DDX31: variants seen among roughly 807,000 people sequenced by gnomAD.
DDX31 encodes the protein ATP-dependent DNA helicase DDX31.
DDX31 carries 70 observed loss-of-function variants against 91.3 expected under a neutral mutation model. The ratio of observed to expected loss-of-function variants is 0.77; its 90% confidence interval spans 0.63 to 0.94. The LOEUF (loss-of-function observed/expected upper bound fraction) is 0.94. Among genes scored for constraint, DDX31 ranks in the 40% least tolerant of loss-of-function variants. The pLI is 0.00. For missense variants in DDX31, 902 were observed against 925.0 expected, an observed-to-expected ratio of 0.98 and a Z score of 0.32; for synonymous variants, 362 against 350.6, an observed-to-expected ratio of 1.03 and a Z score of -0.36.
chr9:132,650,169 C>A (rs1014142380), intron 9 of DDX31, 65 bp downstream of exon 9: 1 of 1,505,502 alleles, frequency 6.6e-7, no homozygotes, highest in Admixed American at 1.7e-5. Flanking sequence ...AAGGACCCAG[C>A]CTTACTGAAT....
chr9:132,669,482 T>C (rs1835571095), intron 1 of DDX31: 1 of 837,884 alleles, frequency 1.2e-6, no homozygotes, highest in Non-Finnish European at 1.7e-6. Context: ...AAAAAAAAAA[T>C]CAGAGCTTAG....
At chr9:132,631,627 T>C (rs759608708) in intron 15 of DDX31, among the ~76,000 whole-genome samples, 1 of 152,218 alleles carries the variant, frequency 6.6e-6, no homozygotes, top group Non-Finnish European at 1.5e-5. Flanking sequence ...TAGAGGTATG[T>C]GTAAGATGCT....
intron 13 of DDX31, among the ~76,000 whole-genome samples, chr9:132,644,152 C>T (rs969574210): frequency 6.6e-6 from 1 of 152,162 alleles, no homozygotes; most frequent in African/African-American, 2.4e-5. Context: ...AAAGAAAACA[C>T]AGGGATACTA....
chr9:132,608,679 A>G (rs1831160245), intron 19 of DDX31, among the ~76,000 whole-genome samples: 1 of 152,248 alleles, frequency 6.6e-6, no homozygotes, highest in Non-Finnish European at 1.5e-5. Context: ...AGAATAGTTT[A>G]GAGAATTTAG....
rs138294055 is a variant in DDX31 at position 132,656,956 on chromosome 9, T to A, written c.588+1715A>T. Among the ~76,000 whole-genome samples the A allele has an allele frequency of 3.6e-3, 544 of 152,238 alleles. 2 individuals are homozygous for A. The highest frequency in any genetic ancestry group is 0.012 in the African/African-American group (487 of 41,534). On this transcript the variant is annotated intron_variant, in intron 6 of 19. Coordinates refer to ENST00000372159, the MANE Select transcript of DDX31 (RefSeq NM_022779.9). ...AAAGCACTTAATAGGGGGAAAAAAA[T>A]CAGTTACCTTTAGGAAGTAAAATTC...
At chr9:132,639,074 T>C (rs1833315873) in intron 14 of DDX31, among the ~76,000 whole-genome samples, 1 of 150,188 alleles carries the variant, frequency 6.7e-6, no homozygotes, top group Non-Finnish European at 1.5e-5. Flanking sequence ...TCCTGGAGAG[T>C]GTTCGGATAG....
At chr9:132,627,451 C>T (rs1339358794) in intron 16 of DDX31, among the ~76,000 whole-genome samples, 1 of 152,100 alleles carries the variant, frequency 6.6e-6, no homozygotes, top group Non-Finnish European at 1.5e-5. Context: ...ATTTATGGGT[C>T]CATCAACAGA....
In DDX31 at chr9:132,651,110, G is replaced by C. The variant is rs767518868; in HGVS notation, c.640C>G (p.Leu214Val). The change falls in exon 8 of 20, where the codon CTA (leucine) becomes GTA (valine). Residue 214 changes from leucine to valine, a missense_variant. Coordinates refer to ENST00000372159, the MANE Select transcript of DDX31 (RefSeq NM_022779.9). ...TTCTGGACAGTGTCAAAGCTTTGTA[G>C]AGCTAGCTGTAAAAATTTTAAAAGT... ...LVLVPTRELA[L>V]QSFDTVQKLL... 2.5e-6 allele frequency: 4 copies of C among 1,608,842 alleles called. No homozygotes were observed. The South Asian group carries it at 4.5e-5, about 18-fold the overall frequency.
chr9:132,625,827 C>A (rs1832360226), intron 16 of DDX31, 82 bp from the exon 17 acceptor site: 2 of 1,005,854 alleles, frequency 2.0e-6, no homozygotes, highest in Non-Finnish European at 3.1e-6. Flanking sequence ...CTGGCCTATT[C>A]TTGAGCTAAT....
chr9:132,648,229 T>C lies in DDX31; in HGVS notation c.927A>G (p.Gln309=). ...CTGATAGCAAGACATTCTGTCGTTT[T>C]TGGCATTCAGCATTTACAGCATTAA... is the stretch of plus-strand genomic sequence containing the variant. ...VILNAVNAEC[Q]KRQNVLLSAT... is the part of the protein sequence containing the mutation. Residue 309 remains glutamine, a synonymous_variant, in exon 11 of 20, where the codon CAA becomes CAG. Transcript: ENST00000372159. 2 of 1,614,130 alleles carry C rather than the reference T, an allele frequency of 1.2e-6. No homozygotes were observed. Among genetic ancestry groups the C allele is most frequent in the East Asian group, 2.2e-5 (1 of 44,888 alleles).
intron 1 of DDX31, among the ~76,000 whole-genome samples, chr9:132,666,813 T>G (rs748529924): frequency 1.7e-4 from 26 of 152,086 alleles, no homozygotes; most frequent in Admixed American, 7.2e-4. Flanking sequence ...TTCACAGCAT[T>G]GTCCTGCCTC....
chr9:132,663,090 G>A, intron 1 of DDX31: 6 of 1,031,282 alleles, frequency 5.8e-6, no homozygotes, highest in Non-Finnish European at 7.9e-6. Flanking sequence ...ATTCACCCAA[G>A]GAGAAAAGAG....
intron 1 of DDX31, among the ~76,000 whole-genome samples, chr9:132,669,181 T>C (rs1325564583): frequency 1.3e-5 from 2 of 152,136 alleles, no homozygotes; most frequent in South Asian, 2.1e-4. Context: ...CTCTTTAGGA[T>C]TGGGAGGGCC....
chr9:132,643,577 G>A (rs1320595972), intron 13 of DDX31, among the ~76,000 whole-genome samples: 2 of 152,136 alleles, frequency 1.3e-5, no homozygotes, highest in Admixed American at 6.5e-5. Flanking sequence ...TCACACGTCT[G>A]AACTTTGCTA....
chr9:132,628,649 T>C (rs1452693358), intron 16 of DDX31, among the ~76,000 whole-genome samples: 1 of 152,184 alleles, frequency 6.6e-6, no homozygotes, highest in Non-Finnish European at 1.5e-5. Flanking sequence ...CAATTATCAT[T>C]GGGCTCTGCA....
intron 17 of DDX31, among the ~76,000 whole-genome samples, chr9:132,618,714 G>T (rs1391223786): frequency 6.6e-6 from 1 of 152,106 alleles, no homozygotes; most frequent in Admixed American, 6.5e-5. Context: ...CAAAATCAAA[G>T]ACCATTGGAG....
At chr9:132,623,156 A>G (rs1238631983) in intron 17 of DDX31, among the ~76,000 whole-genome samples, 1 of 151,632 alleles carries the variant, frequency 6.6e-6, no homozygotes, top group African/African-American at 2.4e-5. Flanking sequence ...CTTTGGTCCT[A>G]TGTTTTATAC....
At chr9:132,637,540 G>A (rs967829609) in intron 14 of DDX31, among the ~76,000 whole-genome samples, 2 of 152,302 alleles carry the variant, frequency 1.3e-5, no homozygotes, top group East Asian at 1.9e-4. Flanking sequence ...GGGGCCTGCC[G>A]TCTCTCTGAG....
Position 132,648,514 on chromosome 9 carries a change from C to T in DDX31, c.778G>A (p.Gly260Arg), listed in dbSNP as rs1833978574. 6.2e-7 allele frequency: 1 copy of T among 1,613,628 alleles called. No individual in the cohort carries two copies. The highest frequency in any genetic ancestry group is 8.5e-7 in the Non-Finnish European group (1 of 1,179,872). ...GATTTTATATGATCCACCAGGCGTC[C>T]AGGAGTTGAGATAAGGATATTTATT... Reference protein sequence around the residue: ...KGINILISTPGRLVDHIKSTK... With the variant: ...KGINILISTPRRLVDHIKSTK... The change falls in exon 10 of 20, where the codon GGA (glycine) becomes AGA (arginine). Residue 260 changes from glycine (G) to arginine (R), a missense_variant. Coordinates refer to ENST00000372159, the MANE Select transcript of DDX31 (RefSeq NM_022779.9).
Sources: gnomAD v4.1 joint callset for allele counts (sites outside exome capture counted in the v4.1 genomes callset) on GRCh38, gnomAD v4.1.1 for gene constraint, MANE v1.5 for transcripts, NCBI Gene and HGNC (gene_info 2026-07-23, HGNC 2026-07-21) for gene names.